COL23A1: variants seen among roughly 807,000 people sequenced by gnomAD.
COL23A1 encodes the protein collagen alpha-1(XXIII) chain.
Under a neutral mutation model 99.3 loss-of-function variants are expected in COL23A1, and 97 were observed. The ratio of observed to expected loss-of-function variants is 0.98; its 90% CI spans 0.83 to 1.16. The LOEUF is 1.16. COL23A1 is among the 50% of genes most tolerant of loss of function. COL23A1 has a pLI of 0.00. For missense variants in COL23A1, 762 were observed against 757.4 expected, an observed-to-expected ratio of 1.01 and a Z score of -0.07; for synonymous variants, 320 against 308.2, an observed-to-expected ratio of 1.04 and a Z score of -0.40.
chr5:178,459,107 T>C (rs928145284), intron 2 of COL23A1, among the ~76,000 whole-genome samples: 8 of 152,208 alleles, frequency 5.3e-5, no homozygotes, highest in African/African-American at 1.9e-4. Flanking sequence ...TATGGGAACC[T>C]TGACTGGATC....
In COL23A1 at chr5:178,340,129, T is replaced by C. The variant is rs982894971; in HGVS notation, c.362-33210A>G. On this transcript the variant is annotated intron_variant, in intron 2 of 28. Transcript: ENST00000390654. This position sits in a 1 kb window ranked among gnomAD's most constrained non-coding sequence, Gnocchi z 4.7. ...GCTGTTTGACCTTGGGCATCTCACATGTTTAGCCATGAGATGGGCATCATA... is the reference window on the plus strand; with the variant it reads ...GCTGTTTGACCTTGGGCATCTCACACGTTTAGCCATGAGATGGGCATCATA... 5.3e-5 allele frequency among the ~76,000 whole-genome samples: 8 copies of C among 152,102 alleles called. No homozygotes were observed. The highest frequency in any genetic ancestry group is 1.9e-4 in the East Asian group (1 of 5,186).
chr5:178,500,190 G>A (rs762121173), intron 2 of COL23A1, among the ~76,000 whole-genome samples: 1 of 152,106 alleles, frequency 6.6e-6, no homozygotes, highest in Non-Finnish European at 1.5e-5. Flanking sequence ...TTTCTTTACT[G>A]TAGTGATGGT....
intron 2 of COL23A1, among the ~76,000 whole-genome samples, chr5:178,546,020 C>T (rs569904644): frequency 6.6e-6 from 1 of 152,238 alleles, no homozygotes; most frequent in South Asian, 2.1e-4. Context: ...CCCTGACACC[C>T]CTCCTCCACG....
intron 2 of COL23A1, among the ~76,000 whole-genome samples, chr5:178,361,110 C>T (rs1194285108): frequency 6.6e-6 from 1 of 152,260 alleles, no homozygotes; most frequent in East Asian, 1.9e-4. Flanking sequence ...GCCACTCACA[C>T]CATGTTTTTA....
rs1321828929 is a variant in COL23A1, at chr5:178,572,191, T to C, written c.295-11443A>G. On this transcript the variant is annotated intron_variant, in intron 1 of 28. Transcript: ENST00000390654. Reference sequence around the variant, plus strand: ...CATTGCCAAAGAAAAGATTATAAACTAGAAGACAGCAATGGAAACTACCTA... The same window carrying C: ...CATTGCCAAAGAAAAGATTATAAACCAGAAGACAGCAATGGAAACTACCTA... Among the ~76,000 whole-genome samples, 4 of 150,976 alleles carry C rather than the reference T, an allele frequency of 2.6e-5. 1 individual carries two copies. In the South Asian group the frequency reaches 6.3e-4, roughly 24 times the overall value.
chr5:178,275,673 C>T (rs1756543996), intron 5 of COL23A1, among the ~76,000 whole-genome samples: 1 of 152,152 alleles, frequency 6.6e-6, no homozygotes, highest in Admixed American at 6.5e-5. Context: ...CCCTTAACTG[C>T]TCCGTAGATA....
At position 178,487,942 on chromosome 5, in the gene COL23A1, G is replaced by C. The variant is rs181519651; in HGVS notation, c.361+72740C>G. On this transcript the variant is annotated intron_variant, in intron 2 of 28. Coordinates refer to ENST00000390654, the MANE Select transcript of COL23A1 (RefSeq NM_173465.4). ...TGTGCAGAAGAGCACATTGTGGCTG[G>C]GGGTTAAGAACAAATAAGACAGTGC... 4.9e-4 allele frequency among the ~76,000 whole-genome samples: 74 copies of C among 152,326 alleles called. No individual in the cohort carries two copies. In the East Asian group the frequency reaches 5.0e-3, roughly 10 times the overall value.
At chr5:178,329,577 G>A (rs570211682) in intron 2 of COL23A1, among the ~76,000 whole-genome samples, 13 of 152,222 alleles carry the variant, frequency 8.5e-5, no homozygotes, top group South Asian at 4.1e-4. Flanking sequence ...TAGGGACCCC[G>A]AGTCACACCT....
intron 24 of COL23A1, 113 bp from the exon 25 acceptor site, chr5:178,246,081 C>G (rs916561302): frequency 1.5e-6 from 2 of 1,368,828 alleles, no homozygotes; most frequent in Non-Finnish European, 1.0e-6. Flanking sequence ...AGGAGACCCA[C>G]CAACCACGCA....
chr5:178,328,667 C>A (rs933393300), intron 2 of COL23A1, among the ~76,000 whole-genome samples: 2 of 152,096 alleles, frequency 1.3e-5, no homozygotes, highest in African/African-American at 4.8e-5. Context: ...TGAAGTCTTT[C>A]GTTTAAGGGG....
chr5:178,418,490 G>T (rs1316163415), intron 2 of COL23A1, among the ~76,000 whole-genome samples: 2 of 152,198 alleles, frequency 1.3e-5, no homozygotes, highest in Admixed American at 1.3e-4. Flanking sequence ...CGGCCATGGG[G>T]TCTCACTCTA....
intron 5 of COL23A1, among the ~76,000 whole-genome samples, chr5:178,277,027 G>A (rs1756625503): frequency 1.3e-5 from 2 of 152,128 alleles, no homozygotes; most frequent in Non-Finnish European, 2.9e-5. Flanking sequence ...GGCTGGAATT[G>A]GGCAATGTCT....
intron 2 of COL23A1, among the ~76,000 whole-genome samples, chr5:178,543,548 A>G (rs990163189): frequency 1.3e-5 from 2 of 152,164 alleles, no homozygotes; most frequent in African/African-American, 4.8e-5. Flanking sequence ...ATAGTCCTAA[A>G]CAATGCCTGG....
rs570149451 is a variant in COL23A1 at position 178,350,080 on chromosome 5, T to C, written c.362-43161A>G. ...AAACCAGGTTACAATGCAAGCTGGC[T>C]GTGCCCAGGGACACCAAGCCTGTGC... is the stretch of plus-strand genomic sequence containing the variant. On this transcript the variant is annotated intron_variant, in intron 2 of 28. Coordinates refer to ENST00000390654, the MANE Select transcript of COL23A1 (RefSeq NM_173465.4). Among the ~76,000 whole-genome samples the C allele has an allele frequency of 5.9e-5, 9 of 152,346 alleles. No homozygotes were observed. The South Asian group carries it at 1.9e-3, about 32-fold the overall frequency.
intron 16 of COL23A1, 92 bp from the exon 17 acceptor site, chr5:178,252,689 G>T (rs960252557): frequency 2.7e-6 from 3 of 1,103,376 alleles, no homozygotes; most frequent in African/African-American, 3.1e-5. Context: ...TCAAGTCCCC[G>T]TCCAGCTGAG....
intron 2 of COL23A1, among the ~76,000 whole-genome samples, chr5:178,371,431 G>A (rs1762795754): frequency 6.6e-6 from 1 of 152,176 alleles, no homozygotes; most frequent in African/African-American, 2.4e-5. Context: ...GCAGCTCTGG[G>A]GTCGGATGGG....
At chr5:178,248,965 C>G (rs1046854855) in intron 19 of COL23A1, 152 bp downstream of exon 19, 12 of 727,028 alleles carry the variant, frequency 1.7e-5, no homozygotes, top group Non-Finnish European at 2.6e-5. Flanking sequence ...ACAGCGCTGG[C>G]CCAGAGCCTA....
chr5:178,542,927 A>G (rs1362749153), intron 2 of COL23A1, among the ~76,000 whole-genome samples: 3 of 152,230 alleles, frequency 2.0e-5, no homozygotes, highest in Admixed American at 6.5e-5. Context: ...AATGTGTATC[A>G]TATGTTAAAG....
intron 2 of COL23A1, among the ~76,000 whole-genome samples, chr5:178,404,548 C>T (rs1764645338): frequency 1.6e-5 from 1 of 60,800 alleles, no homozygotes; most frequent in Non-Finnish European, 2.3e-5. Context: ...GAGGGAAATA[C>T]AGCTGATTCC....
Sources: gnomAD v4.1 joint callset for allele counts (sites outside exome capture counted in the v4.1 genomes callset) on GRCh38, gnomAD v4.1.1 for gene constraint, Gnocchi (gnomAD v3.1) non-coding constraint, MANE v1.5 for transcripts, NCBI Gene and HGNC (gene_info 2026-07-23, HGNC 2026-07-21) for gene names.